Variants in UTRN observed in about 807,000 individuals in gnomAD.
UTRN encodes the protein dystrophin-related protein 1.
A neutral mutation model predicts 463.9 loss-of-function variants in UTRN; 283 were observed. The observed-to-expected ratio is 0.61, with a 90% CI of 0.55 to 0.67. The LOEUF is 0.67. UTRN is among the 30% of genes least tolerant of loss of function. The pLI is 0.00. For missense variants in UTRN, 3,922 were observed against 4,084.3 expected (o/e 0.96, Z 1.08); for synonymous variants, 1,442 against 1,431.5 (o/e 1.01, Z -0.17).
intron 19 of UTRN, among the ~76,000 whole-genome samples, chr6:144,454,325 T>A (rs1396264025): frequency 1.3e-5 from 2 of 152,182 alleles, no homozygotes; most frequent in Admixed American, 1.3e-4. Flanking sequence ...TTTTTATAGT[T>A]AAGTTTGATA....
At chr6:144,802,039 C>G (rs1777745230) in intron 64 of UTRN, among the ~76,000 whole-genome samples, 1 of 152,080 alleles carries the variant, frequency 6.6e-6, no homozygotes, top group Non-Finnish European at 1.5e-5. Flanking sequence ...AGGCTCATTG[C>G]TAAAATGTGC....
intron 51 of UTRN, among the ~76,000 whole-genome samples, chr6:144,628,070 A>T (rs563306832): frequency 2.8e-4 from 42 of 152,264 alleles, no homozygotes; most frequent in Non-Finnish European, 5.3e-4. Flanking sequence ...AAGTGCTGGG[A>T]TTACAGGCGT....
intron 48 of UTRN, among the ~76,000 whole-genome samples, chr6:144,553,821 A>G (rs1799141038): frequency 6.6e-6 from 1 of 151,866 alleles, no homozygotes; most frequent in South Asian, 2.1e-4. Flanking sequence ...GAGGCAGGAG[A>G]ATCACTTGTA....
intron 51 of UTRN, among the ~76,000 whole-genome samples, chr6:144,620,906 C>G (rs1775293327): frequency 6.6e-6 from 1 of 152,116 alleles, no homozygotes; most frequent in East Asian, 1.9e-4. Flanking sequence ...TTCTTTTTGT[C>G]CACAGCATAC....
At chr6:144,572,610 A>G (rs1801051108) in intron 50 of UTRN, among the ~76,000 whole-genome samples, 1 of 151,222 alleles carries the variant, frequency 6.6e-6, no homozygotes, top group East Asian at 2.0e-4. Flanking sequence ...ATGTGTTCTC[A>G]TTGTTCAACT....
chr6:144,486,023 C>G (rs575564296), intron 28 of UTRN, among the ~76,000 whole-genome samples: 6 of 152,290 alleles, frequency 3.9e-5, no homozygotes, highest in Admixed American at 3.9e-4. Context: ...GAAATGTACC[C>G]GATGCTTTGT....
At chr6:144,406,669 C>A (rs1243276544) in intron 3 of UTRN, among the ~76,000 whole-genome samples, 1 of 152,116 alleles carries the variant, frequency 6.6e-6, no homozygotes, top group Non-Finnish European at 1.5e-5. Context: ...GCCCGGCCTC[C>A]CCTTCCATTT....
At chr6:144,329,098 T>A (rs1204189507) in intron 2 of UTRN, among the ~76,000 whole-genome samples, 2 of 150,512 alleles carry the variant, frequency 1.3e-5, no homozygotes, top group Non-Finnish European at 3.0e-5. Flanking sequence ...TTTTTTTTTT[T>A]TTGAGATGGA....
intron 51 of UTRN, among the ~76,000 whole-genome samples, chr6:144,655,119 T>C (rs1779194805): frequency 6.6e-6 from 1 of 152,268 alleles, no homozygotes; most frequent in African/African-American, 2.4e-5. Context: ...AATAATTCTT[T>C]GCGTACAAAG....
intron 48 of UTRN, among the ~76,000 whole-genome samples, chr6:144,553,469 TTTC>T (rs375982969): frequency 1.3e-5 from 2 of 152,230 alleles, no homozygotes; most frequent in African/African-American, 4.8e-5. Flanking sequence ...AACTATAGCC[TTTC>T]TTTTTGTCTG....
At chr6:144,820,482 C>T (rs1404047754) in intron 65 of UTRN, among the ~76,000 whole-genome samples, 1 of 94,716 alleles carries the variant, frequency 1.1e-5, no homozygotes, top group Non-Finnish European at 1.8e-5. Flanking sequence ...TGGTTAAAAC[C>T]ATTGTGGTTA....
intron 51 of UTRN, among the ~76,000 whole-genome samples, chr6:144,605,099 A>G (rs1176965371): frequency 1.3e-5 from 2 of 152,204 alleles, no homozygotes; most frequent in East Asian, 1.9e-4. Flanking sequence ...TATTCTAATT[A>G]CTAATGAACA....
intron 32 of UTRN, 24 bp downstream of exon 32, chr6:144,491,126 C>A: frequency 6.4e-7 from 1 of 1,571,968 alleles, no homozygotes; most frequent in Non-Finnish European, 8.6e-7. Flanking sequence ...GTGATTGGCA[C>A]ATCCAGTGGC....
Position 144,522,079 on chromosome 6 carries a change from CT to C in UTRN, c.5644del (p.Cys1882AlafsTer29), listed in dbSNP as rs769072735. On this transcript the variant is annotated frameshift_variant, in exon 40 of 75. Transcript: ENST00000367545. LOFTEE classifies it high-confidence loss of function. ...TCTGGTTGAAATTAACAAAATTTTACTTTGCATGGATGATGTTGAATTATCG... is the reference window on the plus strand; with the variant it reads ...TCTGGTTGAAATTAACAAAATTTTACTTGCATGGATGATGTTGAATTATCG... ...DYLVEINKILLCMDDVELSLN... is the reference protein window; with the variant it reads ...DYLVEINKILXCMDDVELSLN... 6.3e-7 allele frequency: 1 copy of C among 1,592,248 alleles called. No individual in the cohort carries two copies. Among genetic ancestry groups the C allele is most frequent in the African/African-American group, 1.4e-5 (1 of 73,254 alleles).
chr6:144,634,447 G>A (rs1339065183), intron 51 of UTRN, among the ~76,000 whole-genome samples: 1 of 152,216 alleles, frequency 6.6e-6, no homozygotes, highest in Non-Finnish European at 1.5e-5. Flanking sequence ...GATGGCGTAA[G>A]TTCTTTTCTG....
chr6:144,690,121 GTGTGT>G (rs1783237249), intron 52 of UTRN, among the ~76,000 whole-genome samples: 1 of 109,376 alleles, frequency 9.1e-6, no homozygotes, highest in Non-Finnish European at 1.8e-5. Context: ...GTGTGTGTGT[GTGTGT>G]GTGTTAAGCT....
intron 65 of UTRN, among the ~76,000 whole-genome samples, chr6:144,815,691 C>G (rs1196455988): frequency 6.6e-6 from 1 of 152,204 alleles, no homozygotes; most frequent in Non-Finnish European, 1.5e-5. Context: ...CTGCTTTGTT[C>G]TAGCCATACT....
chr6:144,713,344 G>C (rs937054423), intron 53 of UTRN, among the ~76,000 whole-genome samples: 13 of 152,210 alleles, frequency 8.5e-5, no homozygotes, highest in African/African-American at 3.1e-4. Context: ...AGTGGCTCAT[G>C]CCTGTAATCT....
chr6:144,471,042 G>A (rs1790565940), intron 23 of UTRN, among the ~76,000 whole-genome samples: 1 of 118,238 alleles, frequency 8.5e-6, no homozygotes. Context: ...ACGAGGGAGG[G>A]GGAGAGGGAG....
Sources: allele counts gnomAD v4.1 joint callset (sites outside exome capture counted in the v4.1 genomes callset), GRCh38; gene constraint gnomAD v4.1.1; transcripts MANE v1.5; gene names NCBI Gene and HGNC (gene_info 2026-07-23, HGNC 2026-07-21).